IQCM: variants seen among roughly 807,000 people sequenced by gnomAD.
IQCM encodes the protein IQ motif containing M, also known as IQ domain-containing protein M.
IQCM carries 45 observed loss-of-function variants against 57.6 expected under a neutral mutation model. The ratio of observed to expected loss-of-function variants is 0.78; its 90% confidence interval spans 0.62 to 1.00. The LOEUF is 1.00. IQCM is among the 50% of genes least tolerant of loss of function. IQCM has a pLI of 0.00. For missense variants in IQCM, 468 were observed against 511.6 expected (o/e 0.91, Z 0.82); for synonymous variants, 148 against 158.9 (o/e 0.93, Z 0.51).
chr4:149,532,840 C>A lies in IQCM; in HGVS notation c.1228+15615G>T, dbSNP rs554974447. On this transcript the variant is annotated intron_variant, in intron 12 of 13. Transcript: ENST00000636793. ...AACAGGCTAGTAGAGGGAGATGGAC[C>A]ATAAACAAATACAGAGAAACATGTG... 2.0e-5 allele frequency among the ~76,000 whole-genome samples: 3 copies of A among 151,972 alleles called. No homozygotes were observed. In the South Asian group the frequency reaches 6.2e-4, roughly 31 times the overall value.
chr4:149,372,097 C>A (rs979972951), intron 13 of IQCM, among the ~76,000 whole-genome samples: 1 of 152,140 alleles, frequency 6.6e-6, no homozygotes, highest in Non-Finnish European at 1.5e-5. Flanking sequence ...ATTTAAGTAA[C>A]CTGCTCAAGA....
At chr4:149,658,829 T>C (rs911709259) in intron 7 of IQCM, among the ~76,000 whole-genome samples, 1 of 152,100 alleles carries the variant, frequency 6.6e-6, no homozygotes, top group Non-Finnish European at 1.5e-5. Context: ...TGATTTTGTA[T>C]TGTGAAACTT....
intron 13 of IQCM, among the ~76,000 whole-genome samples, chr4:149,357,676 T>G (rs998008813): frequency 6.6e-6 from 1 of 152,222 alleles, no homozygotes; most frequent in African/African-American, 2.4e-5. Flanking sequence ...TTTGCACCAA[T>G]GTTTATCAAG....
At chr4:149,536,966 T>C (rs527903009) in intron 12 of IQCM, among the ~76,000 whole-genome samples, 1 of 152,074 alleles carries the variant, frequency 6.6e-6, no homozygotes, top group South Asian at 2.1e-4. Context: ...CATAAGTAAA[T>C]CCTGGAGCAG....
intron 7 of IQCM, among the ~76,000 whole-genome samples, chr4:149,647,431 CTTTA>C (rs1758745956): frequency 6.6e-6 from 1 of 151,508 alleles, no homozygotes; most frequent in South Asian, 2.1e-4. Context: ...TCTACTTTGT[CTTTA>C]TTTATCAAGC....
intron 10 of IQCM, among the ~76,000 whole-genome samples, chr4:149,561,194 T>C (rs560650562): frequency 1.3e-5 from 2 of 152,198 alleles, no homozygotes; most frequent in Admixed American, 1.3e-4. Flanking sequence ...TACTTTTTTA[T>C]CTCAAATTCT....
chr4:149,455,834 G>T (rs2359557), intron 12 of IQCM, among the ~76,000 whole-genome samples: 90,112 of 151,122 alleles, frequency 0.6, 27,466 homozygotes, highest in African/African-American at 0.71. Flanking sequence ...AATTAGCCAG[G>T]TGTGGTAGCA....
At chr4:149,506,474 A>G (rs1254336792) in intron 12 of IQCM, among the ~76,000 whole-genome samples, 2 of 152,190 alleles carry the variant, frequency 1.3e-5, no homozygotes, top group African/African-American at 2.4e-5. Flanking sequence ...TTTCCATGTC[A>G]AGTGATACTA....
At chr4:149,810,725 C>T (rs907498451) in intron 2 of IQCM, among the ~76,000 whole-genome samples, 1 of 152,104 alleles carries the variant, frequency 6.6e-6, no homozygotes, top group Non-Finnish European at 1.5e-5. Flanking sequence ...GCTGGGATTA[C>T]AGGCGTGAGC....
At chr4:149,372,962 T>TA (rs1730461244) in intron 13 of IQCM, among the ~76,000 whole-genome samples, 1 of 152,174 alleles carries the variant, frequency 6.6e-6, no homozygotes, top group East Asian at 1.9e-4. Context: ...TGAGATGGTT[T>TA]ATCACGAAAT....
intron 7 of IQCM, among the ~76,000 whole-genome samples, chr4:149,645,591 A>G (rs930566470): frequency 6.6e-6 from 1 of 152,164 alleles, no homozygotes; most frequent in Admixed American, 6.5e-5. Context: ...ACAGCTGTCC[A>G]ATTTCACCTT....
chr4:149,512,266 G>A (rs891113503), intron 12 of IQCM, among the ~76,000 whole-genome samples: 4 of 152,076 alleles, frequency 2.6e-5, no homozygotes, highest in African/African-American at 4.8e-5. Flanking sequence ...GGGTTGGGGG[G>A]GCAGTGTGGG....
intron 13 of IQCM, among the ~76,000 whole-genome samples, chr4:149,395,390 A>G (rs748637012): frequency 1.3e-5 from 2 of 152,062 alleles, no homozygotes; most frequent in Non-Finnish European, 2.9e-5. Flanking sequence ...TTTGCTGAAT[A>G]TGGCTTTCAG....
chr4:149,648,297 C>T (rs1162187856), intron 7 of IQCM, among the ~76,000 whole-genome samples: 1 of 152,052 alleles, frequency 6.6e-6, no homozygotes, highest in Admixed American at 6.6e-5. Flanking sequence ...TTGTCATTGT[C>T]TTTAAAAAAC....
chr4:149,482,018 G>A (rs1018055753), intron 12 of IQCM, among the ~76,000 whole-genome samples: 4 of 150,764 alleles, frequency 2.7e-5, no homozygotes, highest in African/African-American at 9.7e-5. Flanking sequence ...TTAATTCCTA[G>A]GTATTTAATT....
At chr4:149,541,969 C>T (rs556015613) in intron 12 of IQCM, among the ~76,000 whole-genome samples, 1 of 151,996 alleles carries the variant, frequency 6.6e-6, no homozygotes, top group Non-Finnish European at 1.5e-5. Context: ...AGATGATAGA[C>T]AATCTAAAAT....
intron 13 of IQCM, among the ~76,000 whole-genome samples, chr4:149,409,982 A>G (rs1179186690): frequency 2.0e-5 from 3 of 152,178 alleles, no homozygotes; most frequent in Non-Finnish European, 4.4e-5. Context: ...TCAGGAGTTC[A>G]AGACCAGTCT....
At chr4:149,667,814 CAGAAGA>C (rs1345823290) in intron 7 of IQCM, among the ~76,000 whole-genome samples, 1 of 151,276 alleles carries the variant, frequency 6.6e-6, no homozygotes, top group East Asian at 2.0e-4. Flanking sequence ...ATTAATCAAG[CAGAAGA>C]AAGGACATCA....
chr4:149,528,767 A>G (rs1746435246), intron 12 of IQCM, among the ~76,000 whole-genome samples: 1 of 152,184 alleles, frequency 6.6e-6, no homozygotes, highest in South Asian at 2.1e-4. Context: ...AATGCTCAGT[A>G]GATGGTACTT....
Sources: gnomAD v4.1 joint callset for allele counts (sites outside exome capture counted in the v4.1 genomes callset) on GRCh38, gnomAD v4.1.1 for gene constraint, MANE v1.5 for transcripts, NCBI Gene and HGNC (gene_info 2026-07-23, HGNC 2026-07-21) for gene names.